Variants in FBXO42 observed in about 807,000 individuals in gnomAD.
FBXO42 encodes the protein F-box protein 42, also known as F-box only protein 42.
Under a neutral mutation model 71.7 loss-of-function variants are expected in FBXO42, and 12 were observed. The observed-to-expected ratio is 0.17, with a 90% CI of 0.11 to 0.27. The LOEUF (loss-of-function observed/expected upper bound fraction) is 0.27. Among genes scored for constraint, FBXO42 ranks in the 10% least tolerant of loss-of-function variants. The pLI is 1.00. For synonymous variants in FBXO42, 325 were observed against 327.5 expected (o/e 0.99, Z 0.08); for missense variants, 707 against 911.9 (o/e 0.78, Z 2.89).
At chr1:16,275,011 C>A (rs1010985283) in intron 4 of FBXO42, among the ~76,000 whole-genome samples, 1 of 152,120 alleles carries the variant, frequency 6.6e-6, no homozygotes, top group African/African-American at 2.4e-5. Flanking sequence ...ACTACTTTAG[C>A]CAGTAAGCAG....
chr1:16,251,442 T>C lies in FBXO42; in HGVS notation c.1382A>G (p.Gln461Arg). The change falls in exon 10 of 10, where the codon CAG (glutamine) becomes CGG (arginine). Residue 461 changes from glutamine (Q) to arginine (R), a missense_variant. Physicochemically the swap from Gln to Arg is conservative, Grantham distance 43. Transcript: ENST00000375592. The surrounding 1 kb of genome is among the most constrained non-coding windows in gnomAD (Gnocchi z 4.5). ...AGATGGAGTACTTGGAGATATGGCC[T>C]GTACAGGACTGTCCAAAGAAGAGCC... is the stretch of plus-strand genomic sequence containing the variant. ...VGGSSLDSPV[Q>R]AISPSTPSAP... The C allele has an allele frequency of 6.2e-7, 1 of 1,614,150 alleles. No individual in the cohort carries two copies. Among genetic ancestry groups the C allele is most frequent in the East Asian group, 2.2e-5 (1 of 44,884 alleles).
intron 4 of FBXO42, among the ~76,000 whole-genome samples, chr1:16,269,965 C>G (rs939401152): frequency 6.6e-6 from 1 of 152,294 alleles, no homozygotes; most frequent in African/African-American, 2.4e-5. Context: ...AAGTGATCTT[C>G]CCACATCAGC....
chr1:16,276,272 C>T (rs746674766), intron 4 of FBXO42, among the ~76,000 whole-genome samples: 1 of 151,040 alleles, frequency 6.6e-6, no homozygotes, highest in Non-Finnish European at 1.5e-5. Flanking sequence ...CCCAGCTATT[C>T]GGGAGGCTGA....
chr1:16,274,567 C>A, intron 4 of FBXO42, among the ~76,000 whole-genome samples: 1 of 113,732 alleles, frequency 8.8e-6, no homozygotes, highest in African/African-American at 3.3e-5. Flanking sequence ...TATATCCCCC[C>A]CCCATACAAA....
rs139445393 is a variant in FBXO42, at chr1:16,344,425, T to A, written c.-18+7830A>T. On this transcript the variant is annotated intron_variant, in intron 1 of 9. Coordinates refer to ENST00000375592, the MANE Select transcript of FBXO42 (RefSeq NM_018994.3). Reference sequence around the variant, plus strand: ...CCTCGGCCTCCCAGGTACAAGTGATTCTCCTACCACAGCTTCCCAAGTAGC... The same window carrying A: ...CCTCGGCCTCCCAGGTACAAGTGATACTCCTACCACAGCTTCCCAAGTAGC... 5.4e-3 allele frequency among the ~76,000 whole-genome samples: 810 copies of A among 151,080 alleles called. 6 individuals carry two copies. The highest frequency in any genetic ancestry group is 0.016 in the African/African-American group (671 of 41,160).
chr1:16,312,200 T>C (rs1216402286), intron 2 of FBXO42, among the ~76,000 whole-genome samples: 1 of 151,926 alleles, frequency 6.6e-6, no homozygotes, highest in East Asian at 1.9e-4. Flanking sequence ...CTATAAACAT[T>C]TTTTTAAAAA....
rs1472265256 is a variant in FBXO42 at position 16,249,396 on chromosome 1, GAAGTC to G, written c.*1269_*1273del. The G allele has an allele frequency of 2.6e-5, 4 of 152,286 alleles. No homozygotes were observed. Among genetic ancestry groups the G allele is most frequent in the African/African-American group, 4.8e-5 (2 of 41,568 alleles). 9.4% of individuals were successfully genotyped at this position (152,286 alleles called of 1,614,324 possible). Reference sequence around the variant, plus strand: ...GTTTCTGAGGTCAGCCATGCGTCAAGAAGTCAAGTACATGATTCTCAACTCCATCA... The same window carrying G: ...GTTTCTGAGGTCAGCCATGCGTCAAGAAGTACATGATTCTCAACTCCATCA... On this transcript the variant is annotated 3_prime_UTR_variant, in exon 10 of 10. Transcript: ENST00000375592.
intron 4 of FBXO42, among the ~76,000 whole-genome samples, chr1:16,273,005 C>A (rs1198664711): frequency 6.6e-6 from 1 of 152,148 alleles, no homozygotes; most frequent in Non-Finnish European, 1.5e-5. Context: ...ACCAAAGAAC[C>A]CTGACAACTT....
Position 16,251,424 on chromosome 1 carries a change from G to A in FBXO42, c.1400C>T (p.Thr467Ile). ...GTCGTATCCTTCAGGAGCAGATGGAGTACTTGGAGATATGGCCTGTACAGG... is the reference window on the plus strand; with the variant it reads ...GTCGTATCCTTCAGGAGCAGATGGAATACTTGGAGATATGGCCTGTACAGG... Reference protein sequence around the residue: ...DSPVQAISPSTPSAPEGYDLK... With the variant: ...DSPVQAISPSIPSAPEGYDLK... The change falls in exon 10 of 10, where the codon ACT becomes ATT. Residue 467 changes from threonine to isoleucine, a missense_variant. Physicochemically the swap from Thr to Ile is moderately conservative, Grantham distance 89. This residue lies in a region of FBXO42 where 482 missense variants were observed against 587.1 expected (regional missense o/e 0.82). Transcript: ENST00000375592. This position sits in a 1 kb window ranked among gnomAD's most constrained non-coding sequence, Gnocchi z 4.5. 1.2e-6 allele frequency: 2 copies of A among 1,614,144 alleles called. No individual in the cohort carries two copies. The highest frequency in any genetic ancestry group is 1.7e-6 in the Non-Finnish European group (2 of 1,179,984).
intron 4 of FBXO42, among the ~76,000 whole-genome samples, chr1:16,287,159 G>T (rs1024174997): frequency 1.3e-5 from 2 of 152,160 alleles, no homozygotes; most frequent in African/African-American, 4.8e-5. Context: ...CTCTGCTCCA[G>T]TCACAATGGA....
At chr1:16,340,470 A>G (rs1012512503) in intron 1 of FBXO42, among the ~76,000 whole-genome samples, 10 of 151,692 alleles carry the variant, frequency 6.6e-5, no homozygotes, top group Non-Finnish European at 7.4e-5. Flanking sequence ...AAAGGCGCCC[A>G]CCCCGCCCAG....
chr1:16,283,476 C>A (rs1043376815), intron 4 of FBXO42, among the ~76,000 whole-genome samples: 6 of 139,482 alleles, frequency 4.3e-5, no homozygotes, highest in African/African-American at 1.6e-4. Context: ...CATTTATAGA[C>A]TCTTCTAACT....
At chr1:16,346,046 A>G (rs2082652170) in intron 1 of FBXO42, among the ~76,000 whole-genome samples, 1 of 152,174 alleles carries the variant, frequency 6.6e-6, no homozygotes, top group African/African-American at 2.4e-5. Flanking sequence ...CAGGGTCAGA[A>G]CGACTAATGG....
intron 1 of FBXO42, among the ~76,000 whole-genome samples, chr1:16,344,007 A>AT (rs1441291661): frequency 6.7e-6 from 1 of 149,224 alleles, no homozygotes; most frequent in Non-Finnish European, 1.5e-5. Context: ...TCTTTTTTTT[A>AT]TTTTTTTGAA....
At chr1:16,285,123 C>T (rs979766779) in intron 4 of FBXO42, among the ~76,000 whole-genome samples, 10 of 151,768 alleles carry the variant, frequency 6.6e-5, no homozygotes, top group African/African-American at 2.4e-4. Context: ...TCCAGCCCCG[C>T]GACACTGCAA....
intron 1 of FBXO42, among the ~76,000 whole-genome samples, chr1:16,342,415 A>C (rs1458681868): frequency 1.3e-5 from 2 of 150,898 alleles, no homozygotes; most frequent in African/African-American, 2.4e-5. Context: ...AAAAAAAAAA[A>C]AACCCTAACT....
chr1:16,269,079 G>T (rs530942256), intron 4 of FBXO42, among the ~76,000 whole-genome samples: 1 of 148,086 alleles, frequency 6.8e-6, no homozygotes, highest in South Asian at 2.2e-4. Context: ...AAAGTACTGG[G>T]ATTACAGGCG....
rs766594413 is a variant in FBXO42, at chr1:16,252,281, T to C, written c.1038+7A>G. The C allele has an allele frequency of 2.5e-6, 4 of 1,608,620 alleles. No individual in the cohort carries two copies. The highest frequency in any genetic ancestry group is 1.1e-5 in the South Asian group (1 of 90,988). Reference sequence around the variant, plus strand: ...TCCTCCTGCTAGCCTGTCAGCTCCCTGCTTACCCGGCAAGCTGGATGGCAC... The same window carrying C: ...TCCTCCTGCTAGCCTGTCAGCTCCCCGCTTACCCGGCAAGCTGGATGGCAC... On this transcript the variant is annotated splice_region_variant and intron_variant, in intron 9 of 9. Transcript: ENST00000375592. This position sits in a 1 kb window ranked among gnomAD's most constrained non-coding sequence, Gnocchi z 4.4.
At chr1:16,329,656 GA>G (rs58799661) in intron 1 of FBXO42, among the ~76,000 whole-genome samples, 49 of 142,192 alleles carry the variant, frequency 3.4e-4, no homozygotes, top group East Asian at 6.1e-4. Context: ...AACTGATTAA[GA>G]AAAAAAAAAA....
Sources: allele counts gnomAD v4.1 joint callset (sites outside exome capture counted in the v4.1 genomes callset), GRCh38; gene constraint gnomAD v4.1.1; regional missense constraint gnomAD v4.1.1; non-coding constraint Gnocchi (gnomAD v3.1); transcripts MANE v1.5; gene names NCBI Gene and HGNC (gene_info 2026-07-23, HGNC 2026-07-21).